The following DOCK3 variants were observed in gnomAD, a reference collection of about 807,000 sequenced individuals.
The protein encoded by DOCK3 is dedicator of cytokinesis 3, also known as dedicator of cytokinesis protein 3.
In DOCK3, 60 loss-of-function variants were observed where a neutral mutation model predicts 265.6. The observed-to-expected ratio is 0.23, with a 90% CI of 0.18 to 0.28. DOCK3 has a LOEUF of 0.28. DOCK3 is among the 10% of genes least tolerant of loss of function. DOCK3 has a pLI of 1.00. For missense variants in DOCK3, 1,981 were observed against 2,594.3 expected (o/e 0.76, Z 5.14); for synonymous variants, 881 against 938.0 (o/e 0.94, Z 1.11).
intron 49 of DOCK3, among the ~76,000 whole-genome samples, chr3:51,367,565 G>C (rs1439290070): frequency 6.6e-6 from 1 of 152,216 alleles, no homozygotes; most frequent in East Asian, 1.9e-4. Flanking sequence ...CTCGTTAGTT[G>C]ATGCAGTTTC....
intron 3 of DOCK3, among the ~76,000 whole-genome samples, chr3:50,889,149 T>C (rs2048514007): frequency 6.6e-6 from 1 of 150,856 alleles, no homozygotes; most frequent in South Asian, 2.1e-4. Context: ...TAGGCTGGAG[T>C]ATAGTGGTGC....
At chr3:50,921,382 G>T (rs114301231) in intron 4 of DOCK3, among the ~76,000 whole-genome samples, 1 of 152,100 alleles carries the variant, frequency 6.6e-6, no homozygotes, top group Non-Finnish European at 1.5e-5. Context: ...TTCTTGTGGC[G>T]TGGTTTTCAG....
intron 3 of DOCK3, among the ~76,000 whole-genome samples, chr3:50,888,224 A>G (rs569721421): frequency 1.7e-4 from 26 of 152,244 alleles, no homozygotes; most frequent in East Asian, 1.9e-4. Context: ...TAACAGACAA[A>G]CAGAGAGCCA....
chr3:50,693,649 C>G (rs916150876), intron 1 of DOCK3, among the ~76,000 whole-genome samples: 2 of 150,870 alleles, frequency 1.3e-5, no homozygotes, highest in East Asian at 4.0e-4. Context: ...CATTCTCATG[C>G]CTCAGCCTCC....
At chr3:50,737,010 A>G (rs931816535) in intron 1 of DOCK3, among the ~76,000 whole-genome samples, 4 of 152,080 alleles carry the variant, frequency 2.6e-5, no homozygotes, top group Non-Finnish European at 4.4e-5. Context: ...TCTTCTTTTG[A>G]GTAGTGTCTG....
chr3:50,800,146 T>C (rs557948979), intron 2 of DOCK3, among the ~76,000 whole-genome samples: 1 of 152,322 alleles, frequency 6.6e-6, no homozygotes, highest in South Asian at 2.1e-4. Context: ...TATTGGCATG[T>C]AGTTTTCTTT....
intron 32 of DOCK3, among the ~76,000 whole-genome samples, chr3:51,328,604 TAA>T (rs372897781): frequency 1.5e-4 from 20 of 134,142 alleles, no homozygotes; most frequent in Non-Finnish European, 1.6e-4. Flanking sequence ...AGACCACTAT[TAA>T]AAAAAAAAAA....
At chr3:50,948,055 A>G (rs2076483110) in intron 5 of DOCK3, among the ~76,000 whole-genome samples, 1 of 139,824 alleles carries the variant, frequency 7.2e-6, no homozygotes, top group Non-Finnish European at 1.5e-5. Flanking sequence ...TATTATTATT[A>G]TTATTATTAT....
intron 4 of DOCK3, among the ~76,000 whole-genome samples, chr3:50,890,582 G>T (rs1453518090): frequency 1.3e-5 from 2 of 152,000 alleles, no homozygotes; most frequent in Non-Finnish European, 1.5e-5. Context: ...GTTAACACTT[G>T]TTTTTGCATG....
At chr3:51,137,295 G>A (rs1376155552) in intron 9 of DOCK3, among the ~76,000 whole-genome samples, 1 of 152,152 alleles carries the variant, frequency 6.6e-6, no homozygotes, top group Non-Finnish European at 1.5e-5. Context: ...TTATTTTCAA[G>A]CACCTGGCAG....
chr3:51,019,901 A>G (rs543117433), intron 5 of DOCK3, among the ~76,000 whole-genome samples: 5 of 151,834 alleles, frequency 3.3e-5, no homozygotes, highest in South Asian at 2.1e-4. Flanking sequence ...GGTTGATTCC[A>G]TGTCTTTGGT....
chr3:51,319,198 TATG>T (rs1404416940), intron 32 of DOCK3, among the ~76,000 whole-genome samples: 1 of 152,170 alleles, frequency 6.6e-6, no homozygotes, highest in Non-Finnish European at 1.5e-5. Context: ...AATAAATAAA[TATG>T]ATACTAGCTC....
At chr3:51,350,004 G>A (rs2085868307) in intron 39 of DOCK3, among the ~76,000 whole-genome samples, 1 of 152,166 alleles carries the variant, frequency 6.6e-6, no homozygotes, top group Non-Finnish European at 1.5e-5. Flanking sequence ...GATCTCTATA[G>A]GGCTGAGTCC....
At chr3:51,032,029 A>G (rs1315179252) in intron 5 of DOCK3, among the ~76,000 whole-genome samples, 1 of 152,194 alleles carries the variant, frequency 6.6e-6, no homozygotes, top group Non-Finnish European at 1.5e-5. Flanking sequence ...ATTTTGTTAC[A>G]GCTGCGCAAA....
At chr3:50,689,380 A>G (rs2107723342) in intron 1 of DOCK3, among the ~76,000 whole-genome samples, 1 of 152,328 alleles carries the variant, frequency 6.6e-6, no homozygotes, top group African/African-American at 2.4e-5. Context: ...CAATCATGGC[A>G]GAAGGGGAAG....
intron 5 of DOCK3, among the ~76,000 whole-genome samples, chr3:50,979,776 ATGGTAC>A (rs1301133868): frequency 4.6e-5 from 7 of 152,242 alleles, no homozygotes; most frequent in Admixed American, 4.6e-4. Context: ...ATATATAGAA[ATGGTAC>A]TGATTTTTGT....
At chr3:51,174,588 T>G (rs1239808378) in intron 12 of DOCK3, among the ~76,000 whole-genome samples, 1 of 152,232 alleles carries the variant, frequency 6.6e-6, no homozygotes, top group Non-Finnish European at 1.5e-5. Context: ...TTTAAGATGA[T>G]TATTTTGAAC....
chr3:51,019,260 A>C (rs1016205594), intron 5 of DOCK3, among the ~76,000 whole-genome samples: 1 of 151,908 alleles, frequency 6.6e-6, no homozygotes, highest in African/African-American at 2.4e-5. Context: ...TTTTACATTC[A>C]GATCTAATAT....
At chr3:51,166,838 A>G (rs1309148652) in intron 12 of DOCK3, among the ~76,000 whole-genome samples, 1 of 152,100 alleles carries the variant, frequency 6.6e-6, no homozygotes, top group Non-Finnish European at 1.5e-5. Context: ...CAGTTATATG[A>G]GTTCTTTATA....
Sources: allele counts gnomAD v4.1 joint callset (sites outside exome capture counted in the v4.1 genomes callset), GRCh38; gene constraint gnomAD v4.1.1; transcripts MANE v1.5; gene names NCBI Gene and HGNC (gene_info 2026-07-23, HGNC 2026-07-21).